Variants in SIPA1L3 observed in about 807,000 individuals in gnomAD.
The protein encoded by SIPA1L3 is signal induced proliferation associated 1 like 3, also known as signal-induced proliferation-associated 1-like protein 3.
SIPA1L3 carries 59 observed loss-of-function variants against 150.1 expected under a neutral mutation model. The ratio of observed to expected loss-of-function variants is 0.39; its 90% CI spans 0.32 to 0.49. The LOEUF is 0.49. SIPA1L3 is among the 20% of genes least tolerant of loss of function. The pLI is 0.86. For missense variants in SIPA1L3, 2,211 were observed against 2,489.5 expected, an observed-to-expected ratio of 0.89 and a Z score of 2.38; for synonymous variants, 1,070 against 1,077.6, an observed-to-expected ratio of 0.99 and a Z score of 0.14.
intron 1 of SIPA1L3, among the ~76,000 whole-genome samples, chr19:38,016,647 C>A (rs1279973421): frequency 6.6e-6 from 1 of 152,092 alleles, no homozygotes. Flanking sequence ...CACATGCCAC[C>A]ACGCTCAGCT....
At chr19:38,112,467 C>T (rs944959583) in intron 8 of SIPA1L3, among the ~76,000 whole-genome samples, 1 of 152,218 alleles carries the variant, frequency 6.6e-6, no homozygotes, top group Non-Finnish European at 1.5e-5. Context: ...CAGCTGACCT[C>T]CCTCCCTTCC....
At chr19:37,982,736 G>C (rs1476545081) in intron 1 of SIPA1L3, among the ~76,000 whole-genome samples, 1 of 152,190 alleles carries the variant, frequency 6.6e-6, no homozygotes, top group Non-Finnish European at 1.5e-5. Flanking sequence ...CTGTATAGTG[G>C]CTTATGGCTC....
intron 2 of SIPA1L3, among the ~76,000 whole-genome samples, chr19:38,063,213 A>C: frequency 6.8e-6 from 1 of 146,198 alleles, no homozygotes; most frequent in African/African-American, 2.5e-5. Context: ...CCCCCTCCCC[A>C]CTCCAACCTG....
intron 1 of SIPA1L3, among the ~76,000 whole-genome samples, chr19:37,932,884 A>G (rs540005655): frequency 6.6e-6 from 1 of 151,986 alleles, no homozygotes; most frequent in Non-Finnish European, 1.5e-5. Context: ...AGAAAAATGG[A>G]GGACATTTCT....
chr19:37,919,167 G>T (rs2046437570), intron 1 of SIPA1L3, among the ~76,000 whole-genome samples: 1 of 152,170 alleles, frequency 6.6e-6, no homozygotes, highest in East Asian at 1.9e-4. Flanking sequence ...TCAGGTGCAG[G>T]TTGAATCCTG....
chr19:38,117,173 T>C (rs1423638682), intron 8 of SIPA1L3, among the ~76,000 whole-genome samples: 1 of 152,188 alleles, frequency 6.6e-6, no homozygotes, highest in Non-Finnish European at 1.5e-5. Flanking sequence ...TCACTGCCAG[T>C]TTCTGACCCA....
At chr19:37,949,374 G>A (rs2046253721) in intron 1 of SIPA1L3, among the ~76,000 whole-genome samples, 2 of 152,248 alleles carry the variant, frequency 1.3e-5, no homozygotes, top group African/African-American at 4.8e-5. Flanking sequence ...TCATTCAAAG[G>A]GGACTATAAG....
chr19:38,194,019 C>T (rs1972865295), intron 18 of SIPA1L3, among the ~76,000 whole-genome samples: 1 of 152,164 alleles, frequency 6.6e-6, no homozygotes, highest in Non-Finnish European at 1.5e-5. Context: ...TCAGAAGCAC[C>T]CAAGGATTGG....
At chr19:38,036,460 A>G (rs1206267912) in intron 2 of SIPA1L3, among the ~76,000 whole-genome samples, 2 of 152,164 alleles carry the variant, frequency 1.3e-5, no homozygotes, top group Non-Finnish European at 2.9e-5. Context: ...CCCTGTCTGA[A>G]GGCAGTGGAG....
At chr19:38,100,401 A>G (rs140224910) in intron 5 of SIPA1L3, among the ~76,000 whole-genome samples, 4 of 152,256 alleles carry the variant, frequency 2.6e-5, no homozygotes, top group Admixed American at 1.3e-4. Context: ...GTGTGCATGC[A>G]TATATGTGTC....
chr19:38,128,671 T>C (rs1223046155), intron 9 of SIPA1L3, among the ~76,000 whole-genome samples: 1 of 151,484 alleles, frequency 6.6e-6, no homozygotes, highest in East Asian at 1.9e-4. Context: ...CCGAGACAGG[T>C]GAATCACTTG....
intron 15 of SIPA1L3, among the ~76,000 whole-genome samples, chr19:38,174,695 C>G (rs1005619966): frequency 3.3e-5 from 5 of 151,322 alleles, no homozygotes; most frequent in Non-Finnish European, 5.9e-5. Context: ...ACTAAAAATA[C>G]AAAAATTAGC....
chr19:38,131,890 C>G (rs1311123932), intron 10 of SIPA1L3, among the ~76,000 whole-genome samples: 1 of 151,918 alleles, frequency 6.6e-6, no homozygotes, highest in Non-Finnish European at 1.5e-5. Context: ...CTCGGCCTCC[C>G]AAAGTGCTGG....
intron 1 of SIPA1L3, among the ~76,000 whole-genome samples, chr19:38,017,087 G>C (rs1968253714): frequency 6.6e-6 from 1 of 150,520 alleles, no homozygotes; most frequent in South Asian, 2.1e-4. Context: ...GATAGAGACG[G>C]GGTTTCACCA....
At chr19:38,032,769 G>A (rs183252981) in intron 2 of SIPA1L3, among the ~76,000 whole-genome samples, 1 of 151,956 alleles carries the variant, frequency 6.6e-6, no homozygotes, top group Admixed American at 6.6e-5. Context: ...TGGGAGGATC[G>A]CTTGAACCCA....
chr19:38,021,027 T>C (rs1968361921), intron 1 of SIPA1L3, among the ~76,000 whole-genome samples: 1 of 152,002 alleles, frequency 6.6e-6, no homozygotes, highest in Non-Finnish European at 1.5e-5. Flanking sequence ...TCTCAAACTC[T>C]TGACCTCAGG....
At chr19:38,189,221 A>G (rs1164969550) in intron 16 of SIPA1L3, among the ~76,000 whole-genome samples, 5 of 150,252 alleles carry the variant, frequency 3.3e-5, no homozygotes, top group Admixed American at 2.7e-4. Context: ...TGCAGCCTCA[A>G]CCTCCCGATC....
At chr19:38,170,859 G>T (rs1280309242) in intron 15 of SIPA1L3, among the ~76,000 whole-genome samples, 1 of 152,004 alleles carries the variant, frequency 6.6e-6, no homozygotes, top group Non-Finnish European at 1.5e-5. Context: ...GAGGGAGCGG[G>T]TGAAGGAGGA....
intron 1 of SIPA1L3, among the ~76,000 whole-genome samples, chr19:37,938,204 T>C (rs1206496250): frequency 1.3e-5 from 2 of 152,222 alleles, no homozygotes; most frequent in African/African-American, 4.8e-5. Context: ...GAATATACCA[T>C]GTTTTTGTTT....
Sources: allele counts gnomAD v4.1 joint callset (sites outside exome capture counted in the v4.1 genomes callset), GRCh38; gene constraint gnomAD v4.1.1; transcripts MANE v1.5; gene names NCBI Gene and HGNC (gene_info 2026-07-23, HGNC 2026-07-21).